DLGAP1: variants seen among roughly 807,000 people sequenced by gnomAD.
DLGAP1 encodes DLG associated protein 1.
In DLGAP1, 11 loss-of-function variants were observed where a neutral mutation model predicts 90.8. The observed-to-expected ratio is 0.12, with a 90% confidence interval of 0.08 to 0.20. The LOEUF (loss-of-function observed/expected upper bound fraction) is 0.20. Among genes scored for constraint, DLGAP1 ranks in the 10% least tolerant of loss-of-function variants. DLGAP1 has a pLI of 1.00. For synonymous variants in DLGAP1, 558 were observed against 540.7 expected, an observed-to-expected ratio of 1.03 and a Z score of -0.44; for missense variants, 1,050 against 1,333.8, an observed-to-expected ratio of 0.79 and a Z score of 3.31.
chr18:3,966,724 T>TTACA (rs1488807055), intron 3 of DLGAP1, among the ~76,000 whole-genome samples: 1 of 152,180 alleles, frequency 6.6e-6, no homozygotes, highest in African/African-American at 2.4e-5. Context: ...GAGGATTTTG[T>TTACA]TTTGGACCTG....
chr18:4,066,004 A>G (rs2075365441), intron 2 of DLGAP1, among the ~76,000 whole-genome samples: 1 of 152,170 alleles, frequency 6.6e-6, no homozygotes, highest in South Asian at 2.1e-4. Flanking sequence ...GAAGTCAGAA[A>G]TATGACCACA....
At chr18:3,734,588 T>C (rs1223763222) in intron 6 of DLGAP1, among the ~76,000 whole-genome samples, 1 of 152,218 alleles carries the variant, frequency 6.6e-6, no homozygotes, top group African/African-American at 2.4e-5. Context: ...GAATAGAATG[T>C]TAGCTCAGTT....
At chr18:3,702,625 T>C (rs1464289358) in intron 7 of DLGAP1, among the ~76,000 whole-genome samples, 1 of 152,120 alleles carries the variant, frequency 6.6e-6, no homozygotes, top group Admixed American at 6.5e-5. Context: ...ATATGTATCA[T>C]CTTAGAAGTA....
intron 7 of DLGAP1, among the ~76,000 whole-genome samples, chr18:3,698,485 CCTTT>C (rs1353080847): frequency 6.6e-6 from 1 of 152,144 alleles, no homozygotes; most frequent in East Asian, 1.9e-4. Context: ...GTTGAAAATT[CCTTT>C]CTTTAAGAAT....
intron 1 of DLGAP1, among the ~76,000 whole-genome samples, chr18:4,218,938 T>TA (rs993987129): frequency 5.9e-5 from 9 of 151,776 alleles, no homozygotes; most frequent in Non-Finnish European, 1.0e-4. Context: ...ATAGGCATGA[T>TA]AGTGCAGATA....
At chr18:4,024,506 G>A (rs1479347089) in intron 2 of DLGAP1, among the ~76,000 whole-genome samples, 4 of 152,160 alleles carry the variant, frequency 2.6e-5, no homozygotes, top group African/African-American at 4.8e-5. Flanking sequence ...CAAAGGGGAC[G>A]TGGCAAATTC....
intron 7 of DLGAP1, among the ~76,000 whole-genome samples, chr18:3,605,382 T>C (rs1360189580): frequency 6.6e-6 from 1 of 152,236 alleles, no homozygotes; most frequent in Admixed American, 6.5e-5. Flanking sequence ...TATAATTATC[T>C]TCTTGGTTCC....
intron 5 of DLGAP1, among the ~76,000 whole-genome samples, chr18:3,751,125 G>A (rs759456386): frequency 2.0e-5 from 3 of 152,190 alleles, no homozygotes; most frequent in Non-Finnish European, 2.9e-5. Flanking sequence ...GCACTTAAAT[G>A]TCTTACTTTA....
chr18:4,387,492 G>A (rs1465473228), intron 1 of DLGAP1, among the ~76,000 whole-genome samples: 1 of 152,182 alleles, frequency 6.6e-6, no homozygotes, highest in Non-Finnish European at 1.5e-5. Context: ...CTATTATGCT[G>A]CTTATTCTAG....
At chr18:4,069,426 T>C (rs1382959451) in intron 2 of DLGAP1, among the ~76,000 whole-genome samples, 2 of 152,194 alleles carry the variant, frequency 1.3e-5, no homozygotes, top group African/African-American at 4.8e-5. Flanking sequence ...TCATGTCAAA[T>C]TGTAATCCCC....
chr18:4,073,178 T>C (rs1464183882), intron 2 of DLGAP1, among the ~76,000 whole-genome samples: 1 of 152,208 alleles, frequency 6.6e-6, no homozygotes, highest in Non-Finnish European at 1.5e-5. Context: ...TCAGCCTGCT[T>C]ACTAGGCTTC....
intron 7 of DLGAP1, among the ~76,000 whole-genome samples, chr18:3,704,484 C>T (rs904209024): frequency 2.8e-4 from 43 of 151,856 alleles, no homozygotes; most frequent in African/African-American, 8.7e-4. Context: ...GCAGGAGAAT[C>T]GCTTGAACCC....
chr18:3,521,898 G>A (rs893186423), intron 10 of DLGAP1, among the ~76,000 whole-genome samples: 1 of 152,126 alleles, frequency 6.6e-6, no homozygotes, highest in Admixed American at 6.5e-5. Context: ...ATTCTTTAGG[G>A]TTTTATCATG....
At chr18:3,917,763 C>T (rs2148905718) in intron 3 of DLGAP1, among the ~76,000 whole-genome samples, 1 of 152,134 alleles carries the variant, frequency 6.6e-6, no homozygotes, top group South Asian at 2.1e-4. Context: ...AAATACTCTG[C>T]TAGAGCGATA....
At chr18:4,172,933 C>T (rs2077047315) in intron 1 of DLGAP1, among the ~76,000 whole-genome samples, 1 of 152,212 alleles carries the variant, frequency 6.6e-6, no homozygotes, top group African/African-American at 2.4e-5. Context: ...GAAGCTAAAA[C>T]TTCCTAGGTT....
intron 9 of DLGAP1, among the ~76,000 whole-genome samples, chr18:3,555,043 A>T (rs1269732853): frequency 6.6e-6 from 1 of 152,130 alleles, no homozygotes; most frequent in Non-Finnish European, 1.5e-5. Flanking sequence ...TCACCAGATA[A>T]TTAAAAAAAA....
At chr18:3,570,402 C>T (rs2054703766) in intron 8 of DLGAP1, among the ~76,000 whole-genome samples, 1 of 151,704 alleles carries the variant, frequency 6.6e-6, no homozygotes, top group Non-Finnish European at 1.5e-5. Context: ...CCTCAGCCTC[C>T]CAAGTAGCTG....
intron 3 of DLGAP1, among the ~76,000 whole-genome samples, chr18:3,929,793 T>C (rs1348649329): frequency 1.3e-5 from 2 of 152,240 alleles, no homozygotes; most frequent in African/African-American, 4.8e-5. Context: ...GCAAAACTGC[T>C]GTTCGTCTAA....
intron 1 of DLGAP1, among the ~76,000 whole-genome samples, chr18:4,269,189 C>T (rs983884239): frequency 6.6e-6 from 1 of 151,430 alleles, no homozygotes; most frequent in South Asian, 2.1e-4. Context: ...ATCCAACAAA[C>T]GCCAGCCTGA....
Sources: allele counts gnomAD v4.1 joint callset (sites outside exome capture counted in the v4.1 genomes callset), GRCh38; gene constraint gnomAD v4.1.1; transcripts MANE v1.5; gene names NCBI Gene and HGNC (gene_info 2026-07-23, HGNC 2026-07-21).